The following POT1 variants were observed in gnomAD, a reference collection of about 807,000 sequenced individuals.
POT1 encodes the protein protection of telomeres 1, also known as protection of telomeres protein 1.
POT1 carries 47 observed loss-of-function variants against 78.5 expected under a neutral mutation model. That is an observed-to-expected ratio of 0.60 (90% CI 0.47 to 0.76). The LOEUF (loss-of-function observed/expected upper bound fraction) is 0.76, where lower values mean the gene tolerates loss of function less well. POT1 is among the 30% of genes least tolerant of loss of function. POT1 has a pLI of 0.00. For synonymous variants in POT1, 259 were observed against 260.7 expected (o/e 0.99, Z 0.06); for missense variants, 646 against 749.9 (o/e 0.86, Z 1.62).
chr7:124,863,983 A>G (rs970172339), intron 7 of POT1, among the ~76,000 whole-genome samples: 1 of 152,184 alleles, frequency 6.6e-6, no homozygotes, highest in Non-Finnish European at 1.5e-5. Context: ...AAAAAGGACC[A>G]TAAATGACAG....
chr7:124,914,398 T>C lies in POT1; in HGVS notation c.-154+1176A>G, dbSNP rs980430787. 4.6e-5 allele frequency among the ~76,000 whole-genome samples: 7 copies of C among 152,190 alleles called. No homozygotes were observed. In the East Asian group the frequency reaches 1.4e-3, roughly 29 times the overall value. On this transcript the variant is annotated intron_variant, in intron 3 of 18. Transcript: ENST00000357628. ...AAAGTTTTATAATTCTGATGGGGAC[T>C]GTCTTGAATCTGCAGCTCATTTTAG...
intron 16 of POT1, 192 bp downstream of exon 16, chr7:124,829,062 G>T: frequency 1.3e-6 from 1 of 758,662 alleles, no homozygotes; most frequent in Non-Finnish European, 2.4e-6. Flanking sequence ...GACGGTGCCT[G>T]CTTGAAGAAA....
intron 6 of POT1, among the ~76,000 whole-genome samples, chr7:124,882,865 CA>C (rs1411386575): frequency 2.0e-5 from 3 of 151,864 alleles, no homozygotes; most frequent in Non-Finnish European, 4.4e-5. Context: ...GAAGTCTCAT[CA>C]AAAAAGTCAT....
intron 7 of POT1, among the ~76,000 whole-genome samples, chr7:124,867,862 G>A (rs923327833): frequency 6.6e-6 from 1 of 151,942 alleles, no homozygotes; most frequent in African/African-American, 2.4e-5. Flanking sequence ...TGGCCAGGCT[G>A]GTCTTGAACT....
chr7:124,823,926 G>T lies in POT1; in HGVS notation c.*36C>A. 2 of 1,350,332 alleles carry T rather than the reference G, an allele frequency of 1.5e-6. No homozygotes were observed. The highest frequency in any genetic ancestry group is 2.4e-5 in the South Asian group (2 of 82,534). The allele number at this position is 1,350,332 out of a possible 1,614,324, so 83.6% of individuals were successfully genotyped here. A position where few individuals can be genotyped will look rare whatever the true frequency, so the allele number is the denominator to read the frequency against. On this transcript the variant is annotated 3_prime_UTR_variant, in exon 19 of 19. Transcript: ENST00000357628. The stretch of plus-strand genomic sequence containing the variant: ...AGAAGCTCAAACAGGGAAGGTGAGT[G>T]GCAACATTTTATGTATGCTAAATTG...
At chr7:124,894,760 T>G (rs1175758610) in intron 5 of POT1, among the ~76,000 whole-genome samples, 1 of 151,546 alleles carries the variant, frequency 6.6e-6, no homozygotes, top group Non-Finnish European at 1.5e-5. Context: ...AAAAGGACTG[T>G]AGAGGGACAT....
intron 3 of POT1, among the ~76,000 whole-genome samples, chr7:124,903,903 A>T (rs1796691018): frequency 6.6e-6 from 1 of 152,230 alleles, no homozygotes; most frequent in South Asian, 2.1e-4. Context: ...TACGCAAATA[A>T]ACTAGAAACT....
At position 124,859,089 on chromosome 7, in the gene POT1, T is replaced by C. The variant is rs1584769931; in HGVS notation, c.570A>G (p.Pro190=). Reference sequence around the variant, plus strand: ...GTATTAAGACTCTCCAAGATGGAAATGGTGTCCTGGTGCCATCCCATACCT... The same window carrying C: ...GTATTAAGACTCTCCAAGATGGAAACGGTGTCCTGGTGCCATCCCATACCT... The part of the protein sequence containing the change: ...LLKVWDGTRT[P]FPSWRVLIQD... Residue 190 remains proline (P), a synonymous_variant, in exon 9 of 19, where the codon CCA becomes CCG. Coordinates refer to ENST00000357628, the MANE Select transcript of POT1 (RefSeq NM_015450.3). The C allele has an allele frequency of 4.4e-6, 7 of 1,601,014 alleles. No individual in the cohort carries two copies. Among genetic ancestry groups the C allele is most frequent in the East Asian group, 2.2e-5 (1 of 44,542 alleles).
intron 3 of POT1, among the ~76,000 whole-genome samples, chr7:124,909,418 G>T (rs1195179913): frequency 6.6e-6 from 1 of 151,698 alleles, no homozygotes; most frequent in Non-Finnish European, 1.5e-5. Context: ...GGCAAAGAAG[G>T]GTTTAAGAAT....
At position 124,840,975 on chromosome 7, in the gene POT1, T is replaced by G. The variant is rs771226403; in HGVS notation, c.1367A>C (p.Glu456Ala). 3 of 1,590,226 alleles carry G rather than the reference T, an allele frequency of 1.9e-6. No homozygotes were observed. Among genetic ancestry groups the G allele is most frequent in the Non-Finnish European group, 2.6e-6 (3 of 1,160,456 alleles). The change falls in exon 14 of 19, where the codon GAA becomes GCA. Residue 456 changes from glutamate (E) to alanine (A), a missense_variant and splice_region_variant. Glu to Ala is a moderately radical substitution (Grantham distance 107, BLOSUM62 -1). Coordinates refer to ENST00000357628, the MANE Select transcript of POT1 (RefSeq NM_015450.3). The part of the protein sequence containing the change: ...PLSNECLLLI[E>A]GGTLSEICKL... ...AAACAGTGACTTAAATATCTTACCT[T>G]CTATCAAAAGTAGACATTCATTTGA... is the stretch of plus-strand genomic sequence containing the variant.
At chr7:124,883,106 G>A (rs1423784527) in intron 6 of POT1, among the ~76,000 whole-genome samples, 1 of 151,948 alleles carries the variant, frequency 6.6e-6, no homozygotes, top group East Asian at 1.9e-4. Context: ...TTAAGCATCT[G>A]GGAAGAGTCT....
intron 6 of POT1, among the ~76,000 whole-genome samples, chr7:124,877,250 G>A (rs960564755): frequency 1.3e-5 from 2 of 152,092 alleles, no homozygotes. Context: ...AAAGTCTAAG[G>A]AATAATTTCG....
At chr7:124,886,697 G>C (rs12537515) in intron 6 of POT1, among the ~76,000 whole-genome samples, 2,199 of 152,116 alleles carry the variant, frequency 0.014, 59 homozygotes, top group African/African-American at 0.048. Context: ...GGACTGCAGT[G>C]ATTGAAGTAA....
At chr7:124,911,640 A>T (rs1458063591) in intron 3 of POT1, among the ~76,000 whole-genome samples, 1 of 152,168 alleles carries the variant, frequency 6.6e-6, no homozygotes, top group Non-Finnish European at 1.5e-5. Flanking sequence ...GAAAACTAAC[A>T]CGACACTGAT....
At chr7:124,897,642 T>C (rs566964308) in intron 4 of POT1, among the ~76,000 whole-genome samples, 382 of 151,972 alleles carry the variant, frequency 2.5e-3, no homozygotes, top group Non-Finnish European at 4.4e-3. Flanking sequence ...AGTGCTTCAG[T>C]GATCACTCTA....
intron 6 of POT1, among the ~76,000 whole-genome samples, chr7:124,871,858 C>T (rs1562997756): frequency 1.3e-5 from 2 of 151,818 alleles, no homozygotes; most frequent in Non-Finnish European, 2.9e-5. Flanking sequence ...CACACATTAC[C>T]TCACAGTTAT....
chr7:124,908,657 G>T (rs1040294630), intron 3 of POT1, among the ~76,000 whole-genome samples: 1 of 151,882 alleles, frequency 6.6e-6, no homozygotes, highest in Admixed American at 6.6e-5. Context: ...TGTAATAATT[G>T]TTTAATTCTT....
intron 6 of POT1, among the ~76,000 whole-genome samples, chr7:124,875,543 C>A: frequency 6.6e-6 from 1 of 152,048 alleles, no homozygotes. Flanking sequence ...TCAGTGAGAA[C>A]ACTGATGGAG....
rs201285982 is a variant in POT1 at position 124,877,840 on chromosome 7, C to CA, written c.125-6800dup. 9.3e-3 allele frequency among the ~76,000 whole-genome samples: 751 copies of CA among 80,370 alleles called. 85 individuals carry two copies. The highest frequency in any genetic ancestry group is 0.02 in the African/African-American group (472 of 24,134). 52.7% of individuals were successfully genotyped at this position (80,370 alleles called of 152,430 possible). The stretch of plus-strand genomic sequence containing the variant: ...TGGGCGACAGAGAGAGATTCTGTCT[C>CA]AAAAAAAAAAAAAAAAAAAAAAAAA... On this transcript the variant is annotated intron_variant, in intron 6 of 18. Coordinates refer to ENST00000357628, the MANE Select transcript of POT1 (RefSeq NM_015450.3).
Sources: allele counts gnomAD v4.1 joint callset (sites outside exome capture counted in the v4.1 genomes callset), GRCh38; gene constraint gnomAD v4.1.1; transcripts MANE v1.5; gene names NCBI Gene and HGNC (gene_info 2026-07-23, HGNC 2026-07-21).